SMPD4: variants seen among roughly 807,000 people sequenced by gnomAD.
SMPD4 encodes sphingomyelin phosphodiesterase 4.
SMPD4 carries 58 observed loss-of-function variants against 97.8 expected under a neutral mutation model. The ratio of observed to expected loss-of-function variants is 0.59; its 90% CI spans 0.48 to 0.74. The LOEUF (loss-of-function observed/expected upper bound fraction) is 0.74, where lower values mean the gene tolerates loss of function less well. Ranked by LOEUF, SMPD4 falls within the 30% of genes least tolerant of loss-of-function variation. SMPD4 has a pLI of 0.00. For missense variants in SMPD4, 853 were observed against 1,080.5 expected (o/e 0.79, Z 2.95); for synonymous variants, 388 against 450.0 (o/e 0.86, Z 1.74).
chr2:130,156,416 G>A, intron 13 of SMPD4, 169 bp downstream of exon 13: 1 of 752,598 alleles, frequency 1.3e-6, no homozygotes, highest in South Asian at 1.8e-5. Flanking sequence ...CTTTCCTGAG[G>A]GCTGGCTTTG....
In SMPD4 at chr2:130,153,381, G is replaced by A. The variant is rs1489419614; in HGVS notation, c.1963C>T (p.Gln655Ter). Residue 655 changes from glutamine (Q) to a stop codon, truncating the protein, a stop_gained, in exon 18 of 20, where the codon CAA becomes TAA. Transcript: ENST00000680298. LOFTEE classifies it high-confidence loss of function. ...GTTQDENGKK[Q>*]LPDCIVGEDG... is the part of the protein sequence containing the mutation. ...TCACCCACGATGCAGTCGGGGAGTTGCTTTTTTCCATTCTCATCCTGGGTG... is the reference window on the plus strand; with the variant it reads ...TCACCCACGATGCAGTCGGGGAGTTACTTTTTTCCATTCTCATCCTGGGTG... 6.2e-7 allele frequency: 1 copy of A among 1,613,886 alleles called. No individual in the cohort carries two copies. The highest frequency in any genetic ancestry group is 1.7e-5 in the Admixed American group (1 of 60,032).
At chr2:130,165,959 C>T (rs1687887544) in intron 9 of SMPD4, among the ~76,000 whole-genome samples, 1 of 152,084 alleles carries the variant, frequency 6.6e-6, no homozygotes, top group Non-Finnish European at 1.5e-5. Context: ...TGACTGTACA[C>T]TTGGAAATAG....
At chr2:130,173,401 G>C in intron 4 of SMPD4, 47 bp from the exon 5 acceptor site, 1 of 1,605,802 alleles carries the variant, frequency 6.2e-7, no homozygotes, top group Non-Finnish European at 8.5e-7. Flanking sequence ...CAAATGAACT[G>C]CGAATTATCT....
At chr2:130,154,806 G>C in intron 15 of SMPD4, 1 of 595,798 alleles carries the variant, frequency 1.7e-6, no homozygotes. Flanking sequence ...AACACGAGTT[G>C]CCAGGGAGAA....
chr2:130,167,056 C>T lies in SMPD4; in HGVS notation c.792+402G>A, dbSNP rs1320627401. Among the ~76,000 whole-genome samples the T allele has an allele frequency of 3.9e-5, 6 of 152,104 alleles. No individual in the cohort carries two copies. In the East Asian group the frequency reaches 7.7e-4, roughly 20 times the overall value. On this transcript the variant is annotated intron_variant, in intron 9 of 19. Transcript: ENST00000680298. ...AATATCAACAATTTAGAATCAGCCC[C>T]GGGCTGAGGGGCCGCCTCTGGGACT...
intron 1 of SMPD4, chr2:130,181,220 C>T (rs2104944987): frequency 1.6e-6 from 2 of 1,228,776 alleles, no homozygotes; most frequent in South Asian, 4.2e-5. Context: ...CCTGTTGAGC[C>T]CAAGGCTCAA....
Position 130,152,657 on chromosome 2 carries a change from G to A in SMPD4, c.2382C>T (p.Cys794=), listed in dbSNP as rs548355040. The A allele has an allele frequency of 8.1e-5, 127 of 1,563,940 alleles. 1 individual carries two copies. Among genetic ancestry groups the A allele is most frequent in the South Asian group, 1.4e-4 (12 of 85,230 alleles). ...GCAGCGTGCATGGGAGGGGCCCGAC[G>A]CAGAACAGAGAGGCCACGAAGAAGG... The part of the protein sequence containing the change: ...LLAFFVASLF[C]VGPLPCTLLL... Residue 794 remains cysteine (C), a synonymous_variant, in exon 20 of 20, where the codon TGC becomes TGT. Coordinates refer to ENST00000680298, the MANE Select transcript of SMPD4 (RefSeq NM_017951.5).
At chr2:130,170,453 C>A (rs1688338961) in intron 8 of SMPD4, among the ~76,000 whole-genome samples, 1 of 50,446 alleles carries the variant, frequency 2.0e-5, no homozygotes, top group East Asian at 6.6e-4. Context: ...AGAGTAAGAC[C>A]CTGTCAAAAA....
intron 15 of SMPD4, 108 bp from the exon 16 acceptor site, chr2:130,154,590 A>G (rs1391004480): frequency 9.5e-6 from 14 of 1,478,090 alleles, no homozygotes; most frequent in Non-Finnish European, 1.3e-5. Context: ...GCCATGACCC[A>G]GGGGTGTCCT....
rs1686361093 is a variant in SMPD4 at position 130,152,818 on chromosome 2, G to A, written c.2221C>T (p.Leu741Phe). Residue 741 changes from leucine to phenylalanine, a missense_variant, in exon 20 of 20, where the codon CTC becomes TTC. By Grantham distance (22) the Leu-to-Phe change is conservative. Transcript: ENST00000680298. ...CTGCTGGCCAGCCCAGGTTCTGTGA[G>A]GTGGTAGCGACAGAAGCTGCCGAGG... ...DFLGSFCRYH[L>F]TEPGLASRHL... 1 of 1,607,114 alleles carries A rather than the reference G, an allele frequency of 6.2e-7. No homozygotes were observed. The highest frequency in any genetic ancestry group is 2.2e-5 in the East Asian group (1 of 44,706).
At chr2:130,165,940 C>T (rs1687886973) in intron 9 of SMPD4, among the ~76,000 whole-genome samples, 1 of 152,082 alleles carries the variant, frequency 6.6e-6, no homozygotes, top group Middle Eastern at 3.2e-3. Flanking sequence ...TGACTGTATT[C>T]AACACTACTG....
rs369821569 is a variant in SMPD4, at chr2:130,181,587, G to A, written c.-103C>T. 22 of 1,604,190 alleles carry A rather than the reference G, an allele frequency of 1.4e-5. No individual in the cohort carries two copies. The African/African-American group carries it at 2.7e-4, about 19-fold the overall frequency. ...ATGGAAGCCGCCATTCCGCCACGGC[G>A]CCGAAAGTCGTCATCAAGCTGCGCG... On this transcript the variant is annotated 5_prime_UTR_variant, in exon 1 of 20. Coordinates refer to ENST00000680298, the MANE Select transcript of SMPD4 (RefSeq NM_017951.5).
Position 130,152,530 on chromosome 2 carries a change from C to T in SMPD4, c.*25G>A, listed in dbSNP as rs1401207930. The T allele has an allele frequency of 1.6e-5, 25 of 1,533,342 alleles. No homozygotes were observed. The highest frequency in any genetic ancestry group is 1.9e-5 in the Non-Finnish European group (22 of 1,135,572). The allele number at this position is 1,533,342 out of a possible 1,614,324, so 95.0% of individuals were successfully genotyped here. ...GGGGCTGTGTGGCAAATCCCTCCAGCCTGCTCTGAAGGCAGCTGACACCTT... is the reference window on the plus strand; with the variant it reads ...GGGGCTGTGTGGCAAATCCCTCCAGTCTGCTCTGAAGGCAGCTGACACCTT... On this transcript the variant is annotated 3_prime_UTR_variant, in exon 20 of 20. Coordinates refer to ENST00000680298, the MANE Select transcript of SMPD4 (RefSeq NM_017951.5).
At chr2:130,176,368 G>A (rs1432890487) in intron 2 of SMPD4, among the ~76,000 whole-genome samples, 186 bp downstream of exon 2, 2 of 152,216 alleles carry the variant, frequency 1.3e-5, no homozygotes, top group African/African-American at 4.8e-5. Flanking sequence ...CCCAGAAGTT[G>A]AGTAACCCCA....
chr2:130,156,664 G>A lies in SMPD4; in HGVS notation c.1109C>T (p.Pro370Leu), dbSNP rs367716589. ...PLEEFKRAAV[P>L]RFVQQKLYLF... ...GTAGAGTTTCTGCTGGACGAACCTC[G>A]GGACAGCAGCCCTGCAGGGGATGGG... is the stretch of plus-strand genomic sequence containing the variant. The change falls in exon 13 of 20, where the codon CCG (proline) becomes CTG (leucine). Residue 370 changes from proline (P) to leucine (L), a missense_variant. Pro to Leu is a moderately conservative substitution (Grantham distance 98). Around this residue, in one of 3 missense-constraint regions of SMPD4, gnomAD observed 29 missense variants for 70.2 expected, o/e 0.41. Coordinates refer to ENST00000680298, the MANE Select transcript of SMPD4 (RefSeq NM_017951.5). 38 of 1,613,394 alleles carry A rather than the reference G, an allele frequency of 2.4e-5. No homozygotes were observed. Among genetic ancestry groups the A allele is most frequent in the Middle Eastern group, 1.7e-4 (1 of 6,030 alleles).
upstream of SMPD4, chr2:130,181,737 G>T (rs536338783): frequency 6.5e-7 from 1 of 1,548,460 alleles, no homozygotes; most frequent in Non-Finnish European, 8.7e-7. Flanking sequence ...GCAGGAGTGC[G>T]GGGGAGGGAG....
intron 10 of SMPD4, among the ~76,000 whole-genome samples, chr2:130,162,708 G>A (rs1203211117): frequency 2.0e-5 from 3 of 152,226 alleles, no homozygotes; most frequent in Non-Finnish European, 4.4e-5. Flanking sequence ...CTGCATGGCA[G>A]TACGTGTAGC....
At chr2:130,179,683 T>C (rs1035611887) in intron 1 of SMPD4, among the ~76,000 whole-genome samples, 1 of 151,088 alleles carries the variant, frequency 6.6e-6, no homozygotes, top group East Asian at 2.0e-4. Flanking sequence ...TGAGATGGAG[T>C]CTCGCTCCGT....
At chr2:130,181,687 C>G (rs780737667), upstream of SMPD4, 48 of 1,548,368 alleles carry the variant, frequency 3.1e-5, no homozygotes, top group Admixed American at 5.9e-5. Flanking sequence ...GGCGCGTGCG[C>G]AAAGCGAAGG....
Sources: gnomAD v4.1 joint callset for allele counts (sites outside exome capture counted in the v4.1 genomes callset) on GRCh38, gnomAD v4.1.1 for gene constraint, gnomAD v4.1.1 regional missense constraint, MANE v1.5 for transcripts, NCBI Gene and HGNC (gene_info 2026-07-23, HGNC 2026-07-21) for gene names.